COL25A1: variants seen among roughly 807,000 people sequenced by gnomAD.
The protein encoded by COL25A1 is collagen type XXV alpha 1 chain, also known as collagen alpha-1(XXV) chain.
A neutral mutation model predicts 128.4 loss-of-function variants in COL25A1; 103 were observed. That is an observed-to-expected ratio of 0.80 (90% CI 0.68 to 0.94). The LOEUF is 0.94. Among genes scored for constraint, COL25A1 ranks in the 40% least tolerant of loss-of-function variants. The pLI, the probability that COL25A1 is intolerant of heterozygous loss-of-function variation, is 0.00. For synonymous variants in COL25A1, 279 were observed against 277.2 expected, an observed-to-expected ratio of 1.01 and a Z score of -0.06; for missense variants, 745 against 840.0, an observed-to-expected ratio of 0.89 and a Z score of 1.40.
chr4:109,042,524 T>G (rs1760015889), intron 5 of COL25A1, among the ~76,000 whole-genome samples: 3 of 152,024 alleles, frequency 2.0e-5, no homozygotes, highest in Non-Finnish European at 4.4e-5. Context: ...AATGACTGAA[T>G]TGATCTAGCT....
chr4:108,865,326 C>T (rs894249913), intron 20 of COL25A1, among the ~76,000 whole-genome samples: 5 of 152,172 alleles, frequency 3.3e-5, no homozygotes, highest in Non-Finnish European at 7.3e-5. Context: ...TTATCTGTAT[C>T]ATGCCCACTT....
At chr4:109,012,939 C>T (rs1310321370) in intron 5 of COL25A1, among the ~76,000 whole-genome samples, 2 of 152,256 alleles carry the variant, frequency 1.3e-5, no homozygotes, top group Non-Finnish European at 2.9e-5. Flanking sequence ...GCTCCTGAGT[C>T]AGGTGGGAAC....
chr4:109,009,627 A>G (rs1756387928), intron 6 of COL25A1, among the ~76,000 whole-genome samples: 1 of 152,198 alleles, frequency 6.6e-6, no homozygotes, highest in African/African-American at 2.4e-5. Context: ...GTAAATAATT[A>G]TATTATTTAT....
At chr4:108,949,791 T>G (rs2125943013) in intron 8 of COL25A1, among the ~76,000 whole-genome samples, 1 of 152,244 alleles carries the variant, frequency 6.6e-6, no homozygotes, top group East Asian at 1.9e-4. Flanking sequence ...CACCTCGGCC[T>G]CCCAAAGTGC....
chr4:109,111,476 G>T (rs750803635), intron 3 of COL25A1, among the ~76,000 whole-genome samples: 1 of 151,964 alleles, frequency 6.6e-6, no homozygotes, highest in Non-Finnish European at 1.5e-5. Flanking sequence ...TGTTTTTCTG[G>T]CCCAGTGCAA....
intron 8 of COL25A1, among the ~76,000 whole-genome samples, chr4:108,957,654 A>G (rs999060296): frequency 3.9e-5 from 6 of 152,242 alleles, no homozygotes; most frequent in Non-Finnish European, 8.8e-5. Context: ...TTTTTAAAAG[A>G]GTGAGTTCCT....
intron 4 of COL25A1, among the ~76,000 whole-genome samples, chr4:109,049,309 G>T (rs3108923): frequency 0.49 from 73,768 of 151,968 alleles, 19,452 homozygotes; most frequent in African/African-American, 0.67. Context: ...AAGAATTAAT[G>T]GCCTGATAAG....
At chr4:108,835,143 C>A (rs1733634862) in intron 31 of COL25A1, among the ~76,000 whole-genome samples, 1 of 152,200 alleles carries the variant, frequency 6.6e-6, no homozygotes, top group South Asian at 2.1e-4. Context: ...TGTTCTCAGA[C>A]AATGCATGCT....
intron 3 of COL25A1, among the ~76,000 whole-genome samples, chr4:109,254,505 A>ATATATGTGTGTG (rs1383703429): frequency 3.8e-5 from 4 of 104,994 alleles, no homozygotes; most frequent in East Asian, 3.0e-4. Context: ...ATATATATAT[A>ATATATGTGTGTG]TGTATGTGTG....
intron 26 of COL25A1, among the ~76,000 whole-genome samples, chr4:108,851,353 C>T (rs923541101): frequency 1.3e-5 from 2 of 151,870 alleles, no homozygotes; most frequent in African/African-American, 4.8e-5. Flanking sequence ...AATTTATATT[C>T]CTTTATATGA....
intron 3 of COL25A1, among the ~76,000 whole-genome samples, chr4:109,090,310 T>A (rs1347647214): frequency 6.6e-6 from 1 of 152,216 alleles, no homozygotes; most frequent in Non-Finnish European, 1.5e-5. Context: ...TTGTCCCTTA[T>A]GATTTCCTTG....
intron 5 of COL25A1, among the ~76,000 whole-genome samples, chr4:109,045,147 G>A (rs978460182): frequency 3.9e-5 from 6 of 151,984 alleles, no homozygotes; most frequent in African/African-American, 1.5e-4. Flanking sequence ...CTTTTCTCTA[G>A]CTTATTGTAA....
At position 109,111,689 on chromosome 4, in the gene COL25A1, C is replaced by T. The variant is rs3108938; in HGVS notation, c.368-61510G>A. On this transcript the variant is annotated intron_variant, in intron 3 of 37. Coordinates refer to ENST00000399132, the MANE Select transcript of COL25A1 (RefSeq NM_198721.4). ...ATACTTCTCTGTGAAGCTTCCCCTT[C>T]CCCTTTCCAGAGTCATTAATTTTTA... Among the ~76,000 whole-genome samples, 6 of 152,064 alleles carry T rather than the reference C, an allele frequency of 3.9e-5. No homozygotes were observed. In the South Asian group the frequency reaches 1.2e-3, roughly 32 times the overall value.
intron 3 of COL25A1, among the ~76,000 whole-genome samples, chr4:109,074,959 T>C (rs1763265995): frequency 6.6e-6 from 1 of 152,078 alleles, no homozygotes; most frequent in South Asian, 2.1e-4. Flanking sequence ...CAAAACACAA[T>C]GCTAAAGTTA....
At chr4:109,216,235 T>G (rs1016692185) in intron 3 of COL25A1, among the ~76,000 whole-genome samples, 1 of 151,426 alleles carries the variant, frequency 6.6e-6, no homozygotes, top group African/African-American at 2.4e-5. Context: ...ATGTTCATTT[T>G]ATGTAATGGA....
At chr4:109,263,238 G>A (rs540267942) in intron 3 of COL25A1, among the ~76,000 whole-genome samples, 110 of 152,280 alleles carry the variant, frequency 7.2e-4, no homozygotes, top group African/African-American at 2.6e-3. Context: ...AGTTGCTAGA[G>A]ATATATTTTA....
intron 8 of COL25A1, among the ~76,000 whole-genome samples, chr4:108,951,188 G>A (rs753520248): frequency 2.6e-5 from 4 of 152,112 alleles, no homozygotes; most frequent in Non-Finnish European, 2.9e-5. Context: ...CTTAAAAGAA[G>A]CTTCAAGAGG....
At chr4:108,988,879 T>C (rs1753911097) in intron 6 of COL25A1, among the ~76,000 whole-genome samples, 1 of 152,234 alleles carries the variant, frequency 6.6e-6, no homozygotes, top group Non-Finnish European at 1.5e-5. Flanking sequence ...CCTTTCCGTC[T>C]TCTGCAATTC....
At chr4:108,987,921 G>T (rs1753808867) in intron 6 of COL25A1, among the ~76,000 whole-genome samples, 2 of 152,050 alleles carry the variant, frequency 1.3e-5, no homozygotes, top group Admixed American at 6.5e-5. Flanking sequence ...CCTTATTTCT[G>T]AACTCCTAAA....
Sources: gnomAD v4.1 joint callset for allele counts (sites outside exome capture counted in the v4.1 genomes callset) on GRCh38, gnomAD v4.1.1 for gene constraint, MANE v1.5 for transcripts, NCBI Gene and HGNC (gene_info 2026-07-23, HGNC 2026-07-21) for gene names.